Variants in SWT1 observed in about 807,000 individuals in gnomAD.
The protein encoded by SWT1 is SWT1 RNA endoribonuclease homolog.
A neutral mutation model predicts 107.3 loss-of-function variants in SWT1; 33 were observed. The ratio of observed to expected loss-of-function variants is 0.31; its 90% CI spans 0.23 to 0.41. The LOEUF is 0.41. SWT1 is among the 10% of genes least tolerant of loss of function. The pLI is 1.00. For synonymous variants in SWT1, 345 were observed against 348.3 expected, an observed-to-expected ratio of 0.99 and a Z score of 0.11; for missense variants, 898 against 1,028.9, an observed-to-expected ratio of 0.87 and a Z score of 1.74.
chr1:185,276,726 A>C (rs1387189315), intron 18 of SWT1, 58 bp downstream of exon 18: 12 of 916,510 alleles, frequency 1.3e-5, no homozygotes, highest in Non-Finnish European at 2.0e-5. Context: ...CATATACAGC[A>C]GCACTTGGTG....
At chr1:185,215,655 C>T (rs1659159863) in intron 14 of SWT1, among the ~76,000 whole-genome samples, 1 of 152,126 alleles carries the variant, frequency 6.6e-6, no homozygotes, top group Non-Finnish European at 1.5e-5. Context: ...TCTTCCACGT[C>T]AGCCCCCCGA....
In SWT1 at chr1:185,284,382, A is replaced by G. The variant is rs117534117; in HGVS notation, c.2574-6292A>G. Reference sequence around the variant, plus strand: ...ATCTTACGTGATGTTTGAGCCCACTATAGACAATTACAAGGCTTTATCTGA... The same window carrying G: ...ATCTTACGTGATGTTTGAGCCCACTGTAGACAATTACAAGGCTTTATCTGA... On this transcript the variant is annotated intron_variant, in intron 18 of 18. Coordinates refer to ENST00000367500, the MANE Select transcript of SWT1 (RefSeq NM_017673.7). 1.2e-4 allele frequency among the ~76,000 whole-genome samples: 18 copies of G among 152,368 alleles called. No individual in the cohort carries two copies. In the East Asian group the frequency reaches 2.5e-3, roughly 21 times the overall value.
chr1:185,231,771 A>G, intron 16 of SWT1, 63 bp downstream of exon 16: 1 of 1,378,110 alleles, frequency 7.3e-7, no homozygotes, highest in Non-Finnish European at 1.0e-6. Flanking sequence ...TCCTAGGCTT[A>G]CCAACTTTTT....
intron 16 of SWT1, among the ~76,000 whole-genome samples, chr1:185,252,398 A>G (rs1571620666): frequency 6.6e-6 from 1 of 152,236 alleles, no homozygotes. Context: ...AGTCCCACCA[A>G]CAGTGTAAAA....
Position 185,214,593 on chromosome 1 carries a change from TATG to T in SWT1, c.2063_2065del (p.Asp688del). The T allele has an allele frequency of 1.2e-6, 2 of 1,612,852 alleles. No homozygotes were observed. The highest frequency in any genetic ancestry group is 1.7e-6 in the Non-Finnish European group (2 of 1,179,278). The stretch of plus-strand genomic sequence containing the variant: ...ACATGCTTTCAGTACAAGGTCAAAT[TATG>T]ATGGTATTCTTCCACAGACCTTTGC... On this transcript the variant is annotated inframe_deletion, in exon 14 of 19. Transcript: ENST00000367500.
Position 185,208,031 on chromosome 1 carries a change from G to A in SWT1, c.1972+1268G>A, listed in dbSNP as rs544683475. Among the ~76,000 whole-genome samples, 40 of 152,138 alleles carry A rather than the reference G, an allele frequency of 2.6e-4. No individual in the cohort carries two copies. In the South Asian group the frequency reaches 7.3e-3, roughly 28 times the overall value. On this transcript the variant is annotated intron_variant, in intron 13 of 18. Transcript: ENST00000367500. Reference sequence around the variant, plus strand: ...ATTTCATATATTAATTATATCCAGCGTACTTCTGAAGCATAACTCTGATGG... The same window carrying A: ...ATTTCATATATTAATTATATCCAGCATACTTCTGAAGCATAACTCTGATGG...
chr1:185,212,395 C>T (rs74507001), intron 13 of SWT1, among the ~76,000 whole-genome samples: 5,578 of 151,958 alleles, frequency 0.037, 329 homozygotes, highest in African/African-American at 0.13. Context: ...TGCTCTTAGA[C>T]GCAGCTGAGA....
intron 15 of SWT1, among the ~76,000 whole-genome samples, chr1:185,223,435 C>T (rs370851192): frequency 1.3e-5 from 2 of 152,060 alleles, no homozygotes; most frequent in East Asian, 3.9e-4. Flanking sequence ...AGTCCTCTTG[C>T]CTTGGTTTCC....
intron 16 of SWT1, among the ~76,000 whole-genome samples, chr1:185,233,411 C>A (rs559983636): frequency 4.3e-4 from 65 of 152,254 alleles, no homozygotes; most frequent in Admixed American, 4.3e-3. Flanking sequence ...AATTTTAGAT[C>A]TTTCCTGCTT....
chr1:185,206,878 T>C, intron 13 of SWT1, 115 bp downstream of exon 13: 1 of 726,206 alleles, frequency 1.4e-6, no homozygotes, highest in Non-Finnish European at 2.1e-6. Context: ...TTCTTAATCA[T>C]TTATACTTCT....
At chr1:185,237,445 A>G (rs1490724041) in intron 16 of SWT1, among the ~76,000 whole-genome samples, 1 of 152,132 alleles carries the variant, frequency 6.6e-6, no homozygotes, top group African/African-American at 2.4e-5. Flanking sequence ...GCAAACTAAC[A>G]CAAGAACAGA....
chr1:185,230,616 CACA>C (rs1660440643), intron 15 of SWT1, among the ~76,000 whole-genome samples: 1 of 152,130 alleles, frequency 6.6e-6, no homozygotes, highest in Admixed American at 6.6e-5. Context: ...TCAAACCAAG[CACA>C]ACATGTTTTG....
At chr1:185,170,481 A>C (rs973262811) in intron 4 of SWT1, among the ~76,000 whole-genome samples, 1 of 152,146 alleles carries the variant, frequency 6.6e-6, no homozygotes, top group Non-Finnish European at 1.5e-5. Context: ...TCTCCTTGGC[A>C]TGGGAGGTTT....
intron 4 of SWT1, among the ~76,000 whole-genome samples, chr1:185,170,439 G>A (rs1263595235): frequency 6.6e-6 from 1 of 152,144 alleles, no homozygotes; most frequent in East Asian, 1.9e-4. Flanking sequence ...GGCCTAAGTA[G>A]CATGAAGCAG....
At chr1:185,175,193 T>A in intron 5 of SWT1, 80 bp downstream of exon 5, 2 of 1,114,856 alleles carry the variant, frequency 1.8e-6, no homozygotes, top group Non-Finnish European at 2.4e-6. Context: ...TATTTCTATA[T>A]TTTTTTCTGT....
chr1:185,178,191 T>C (rs999771889), intron 5 of SWT1, among the ~76,000 whole-genome samples: 1 of 152,142 alleles, frequency 6.6e-6, no homozygotes, highest in Admixed American at 6.5e-5. Context: ...GCTGTCCAGC[T>C]AGGGTAGAGG....
At chr1:185,288,116 C>T (rs1665051041) in intron 18 of SWT1, among the ~76,000 whole-genome samples, 1 of 152,092 alleles carries the variant, frequency 6.6e-6, no homozygotes, top group South Asian at 2.1e-4. Flanking sequence ...TTTTGAATCC[C>T]TTAAGAGTGT....
intron 2 of SWT1, 62 bp downstream of exon 2, chr1:185,160,987 A>C (rs1465140054): frequency 1.7e-6 from 2 of 1,153,102 alleles, no homozygotes; most frequent in Non-Finnish European, 2.6e-6. Flanking sequence ...TAATGAAAAA[A>C]ATACACCTTA....
At chr1:185,218,501 A>C (rs929182082) in intron 14 of SWT1, among the ~76,000 whole-genome samples, 10 of 152,204 alleles carry the variant, frequency 6.6e-5, no homozygotes, top group African/African-American at 2.4e-4. Context: ...TGTACAGACT[A>C]GGTCTCACTT....
Sources: allele counts gnomAD v4.1 joint callset (sites outside exome capture counted in the v4.1 genomes callset), GRCh38; gene constraint gnomAD v4.1.1; transcripts MANE v1.5; gene names NCBI Gene and HGNC (gene_info 2026-07-23, HGNC 2026-07-21).